Variants in ST6GALNAC3 observed in about 807,000 individuals in gnomAD.
The protein encoded by ST6GALNAC3 is alpha-N-acetylgalactosaminide alpha-2,6-sialyltransferase 3.
In ST6GALNAC3, 25 loss-of-function variants were observed where a neutral mutation model predicts 32.7. The ratio of observed to expected loss-of-function variants is 0.76; its 90% confidence interval spans 0.56 to 1.07. The LOEUF (loss-of-function observed/expected upper bound fraction) is 1.07, where lower values mean the gene tolerates loss of function less well. Among genes scored for constraint, ST6GALNAC3 ranks in the 50% least tolerant of loss-of-function variants. ST6GALNAC3 has a pLI of 0.00. For missense variants in ST6GALNAC3, 355 were observed against 382.4 expected (o/e 0.93, Z 0.60); for synonymous variants, 129 against 133.1 (o/e 0.97, Z 0.21).
intron 3 of ST6GALNAC3, among the ~76,000 whole-genome samples, chr1:76,423,733 C>T (rs1042956412): frequency 6.6e-6 from 1 of 151,916 alleles, no homozygotes; most frequent in African/African-American, 2.4e-5. Flanking sequence ...TAACATTCTT[C>T]TGACGTGAAT....
At chr1:76,335,733 C>A (rs560985826) in intron 2 of ST6GALNAC3, among the ~76,000 whole-genome samples, 22 of 152,236 alleles carry the variant, frequency 1.4e-4, no homozygotes, top group African/African-American at 5.1e-4. Flanking sequence ...TTCCAATTAC[C>A]AAACATTGCT....
rs537254878 is a variant in ST6GALNAC3, at chr1:76,145,741, A to T, written c.18+70857A>T. Among the ~76,000 whole-genome samples the T allele has an allele frequency of 2.6e-5, 4 of 152,350 alleles. No individual in the cohort carries two copies. The South Asian group carries it at 6.2e-4, about 24-fold the overall frequency. On this transcript the variant is annotated intron_variant, in intron 1 of 4. Coordinates refer to ENST00000328299, the MANE Select transcript of ST6GALNAC3 (RefSeq NM_152996.4). ...TTCTATATGTGTTTAAAAATTAGATAAATAAGAATTTACATGACAGTTTAA... is the reference window on the plus strand; with the variant it reads ...TTCTATATGTGTTTAAAAATTAGATTAATAAGAATTTACATGACAGTTTAA...
chr1:76,525,187 A>G (rs754289465), intron 3 of ST6GALNAC3, among the ~76,000 whole-genome samples: 10 of 152,130 alleles, frequency 6.6e-5, no homozygotes, highest in Non-Finnish European at 1.3e-4. Context: ...GTATTAATTG[A>G]TCATAATGAG....
intron 1 of ST6GALNAC3, among the ~76,000 whole-genome samples, chr1:76,105,772 G>A (rs1647483001): frequency 6.6e-6 from 1 of 152,132 alleles, no homozygotes; most frequent in Non-Finnish European, 1.5e-5. Context: ...TATATTAATA[G>A]CCCTATAAAA....
intron 3 of ST6GALNAC3, among the ~76,000 whole-genome samples, chr1:76,532,492 GTTTAATA>G (rs1263751708): frequency 3.3e-5 from 5 of 152,082 alleles, no homozygotes; most frequent in Non-Finnish European, 5.9e-5. Context: ...AGAGTGCATT[GTTTAATA>G]TCCCCTACGA....
intron 2 of ST6GALNAC3, among the ~76,000 whole-genome samples, chr1:76,372,211 GA>G (rs1168419192): frequency 5.9e-5 from 9 of 152,154 alleles, no homozygotes; most frequent in African/African-American, 9.7e-5. Flanking sequence ...GACTGATTAA[GA>G]GCTCTGCCTG....
intron 3 of ST6GALNAC3, among the ~76,000 whole-genome samples, chr1:76,435,592 G>T (rs1056562029): frequency 2.6e-5 from 4 of 152,130 alleles, no homozygotes; most frequent in Non-Finnish European, 4.4e-5. Context: ...TGAGACCCTG[G>T]TAGTACTCTC....
intron 3 of ST6GALNAC3, among the ~76,000 whole-genome samples, chr1:76,622,491 G>A (rs1401997470): frequency 6.6e-6 from 1 of 151,880 alleles, no homozygotes; most frequent in Admixed American, 6.6e-5. Context: ...GGTCAAGGAC[G>A]CCCTCAGAGC....
chr1:76,606,813 GT>G (rs1647580980), intron 3 of ST6GALNAC3, among the ~76,000 whole-genome samples: 1 of 148,786 alleles, frequency 6.7e-6, no homozygotes, highest in African/African-American at 2.5e-5. Flanking sequence ...AGAAAAAAAT[GT>G]TTCTCTATAC....
intron 1 of ST6GALNAC3, among the ~76,000 whole-genome samples, chr1:76,298,574 C>A (rs1660545654): frequency 6.6e-6 from 1 of 152,018 alleles, no homozygotes; most frequent in Non-Finnish European, 1.5e-5. Context: ...TTTGACATGT[C>A]TTCCTTTCTG....
At chr1:76,221,147 T>C (rs1655744916) in intron 1 of ST6GALNAC3, among the ~76,000 whole-genome samples, 1 of 152,126 alleles carries the variant, frequency 6.6e-6, no homozygotes, top group African/African-American at 2.4e-5. Flanking sequence ...ATGGGTGGAA[T>C]GGATGGATAA....
At chr1:76,146,191 A>G (rs1449071892) in intron 1 of ST6GALNAC3, among the ~76,000 whole-genome samples, 2 of 152,204 alleles carry the variant, frequency 1.3e-5, no homozygotes, top group Non-Finnish European at 2.9e-5. Flanking sequence ...GCTTAATTCT[A>G]AACAACACTT....
chr1:76,192,325 T>C (rs1322429448), intron 1 of ST6GALNAC3, among the ~76,000 whole-genome samples: 1 of 152,204 alleles, frequency 6.6e-6, no homozygotes, highest in African/African-American at 2.4e-5. Flanking sequence ...ATTTTGCCTG[T>C]AGTCCTGAAC....
chr1:76,442,241 C>G (rs1246159039), intron 3 of ST6GALNAC3, among the ~76,000 whole-genome samples: 2 of 152,162 alleles, frequency 1.3e-5, no homozygotes, highest in African/African-American at 4.8e-5. Context: ...AGAAATACTC[C>G]ATTCCAGATT....
At chr1:76,146,988 G>A (rs549289202) in intron 1 of ST6GALNAC3, among the ~76,000 whole-genome samples, 1 of 151,454 alleles carries the variant, frequency 6.6e-6, no homozygotes, top group Non-Finnish European at 1.5e-5. Context: ...ACTGCTCCAC[G>A]TGTCACATCC....
chr1:76,354,645 T>C (rs572954412), intron 2 of ST6GALNAC3, among the ~76,000 whole-genome samples: 2 of 152,336 alleles, frequency 1.3e-5, no homozygotes, highest in Non-Finnish European at 2.9e-5. Flanking sequence ...TTTTATGGAA[T>C]TTGGTGAAGT....
At chr1:76,460,373 G>A (rs1446694079) in intron 3 of ST6GALNAC3, among the ~76,000 whole-genome samples, 1 of 151,912 alleles carries the variant, frequency 6.6e-6, no homozygotes, top group Admixed American at 6.6e-5. Flanking sequence ...CAAAATAAAA[G>A]CTACTTGTTG....
At chr1:76,279,994 C>CA (rs1659407483) in intron 1 of ST6GALNAC3, among the ~76,000 whole-genome samples, 1 of 5,426 alleles carries the variant, frequency 1.8e-4, no homozygotes, top group African/African-American at 1.8e-3. Context: ...TCTCTCCTGT[C>CA]TTTTCTCTCA....
intron 3 of ST6GALNAC3, among the ~76,000 whole-genome samples, chr1:76,557,813 C>T (rs1665016154): frequency 6.6e-6 from 1 of 152,082 alleles, no homozygotes; most frequent in African/African-American, 2.4e-5. Context: ...TTGTATTAGA[C>T]TTTATACATA....
Sources: allele counts gnomAD v4.1 joint callset (sites outside exome capture counted in the v4.1 genomes callset), GRCh38; gene constraint gnomAD v4.1.1; transcripts MANE v1.5; gene names NCBI Gene and HGNC (gene_info 2026-07-23, HGNC 2026-07-21).